TTC14: variants seen among roughly 807,000 people sequenced by gnomAD.
TTC14 encodes the protein tetratricopeptide repeat domain 14.
Under a neutral mutation model 79.9 loss-of-function variants are expected in TTC14, and 63 were observed. The ratio of observed to expected loss-of-function variants is 0.79; its 90% CI spans 0.64 to 0.97. TTC14 has a LOEUF of 0.97. TTC14 is among the 50% of genes least tolerant of loss of function. The probability of loss-of-function intolerance (pLI) is 0.00; values close to 1 mark genes in which losing one functional copy is unlikely to be tolerated. For missense variants in TTC14, 895 were observed against 894.0 expected, an observed-to-expected ratio of 1.00 and a Z score of -0.01; for synonymous variants, 335 against 309.6, an observed-to-expected ratio of 1.08 and a Z score of -0.86.
chr3:180,611,441 A>G (rs1428312951), downstream of TTC14, among the ~76,000 whole-genome samples: 1 of 152,200 alleles, frequency 6.6e-6, no homozygotes, highest in Non-Finnish European at 1.5e-5. Flanking sequence ...GGCACTAGGC[A>G]TGTCGTTAAA....
At chr3:180,608,413 C>A in intron 10 of TTC14, 9 of 979,892 alleles carry the variant, frequency 9.2e-6, no homozygotes, top group East Asian at 1.1e-4. Flanking sequence ...TTTTTTTAAC[C>A]TTTCTTGCAC....
Position 180,603,320 on chromosome 3 carries a change from C to G in TTC14, c.483C>G (p.Ile161Met), listed in dbSNP as rs1259066201. Reference sequence around the variant, plus strand: ...TGAGAGATATAGCCCACTTAGAAATCACAGTAAGTTATTTTTGTTACTTGG... The same window carrying G: ...TGAGAGATATAGCCCACTTAGAAATGACAGTAAGTTATTTTTGTTACTTGG... ...GIMRDIAHLEITALCPLRDVP... is the reference protein window; with the variant it reads ...GIMRDIAHLEMTALCPLRDVP... The change falls in exon 3 of 12, where the codon ATC becomes ATG. Residue 161 changes from isoleucine (I) to methionine (M), a missense_variant. Physicochemically the swap from Ile to Met is conservative, Grantham distance 10 (BLOSUM62 1). Transcript: ENST00000296015. 6.2e-7 allele frequency: 1 copy of G among 1,613,020 alleles called. No homozygotes were observed. The highest frequency in any genetic ancestry group is 1.3e-5 in the African/African-American group (1 of 75,004).
rs1203628451 is a variant in TTC14, at chr3:180,610,719, G to A, written c.*177G>A. 4 of 1,329,290 alleles carry A rather than the reference G, an allele frequency of 3.0e-6. No homozygotes were observed. Among genetic ancestry groups the A allele is most frequent in the Admixed American group, 7.5e-5 (2 of 26,726 alleles). 82.3% of individuals were successfully genotyped at this position (1,329,290 alleles called of 1,614,324 possible). A position where few individuals can be genotyped will look rare whatever the true frequency, so the allele number is the denominator to read the frequency against. ...ATTTTGTTTCAGTTCTAGGTCCCTT[G>A]TCACAGCTTGGTTTTTAGACTTTTT... On this transcript the variant is annotated 3_prime_UTR_variant, in exon 12 of 12. Coordinates refer to ENST00000296015, the MANE Select transcript of TTC14 (RefSeq NM_133462.4).
Position 180,602,390 on chromosome 3 carries a change from G to A in TTC14, c.129G>A (p.Arg43=). Residue 43 remains arginine (R), a synonymous_variant, in exon 1 of 12, where the codon CGG becomes CGA. Transcript: ENST00000296015. Reference sequence around the variant, plus strand: ...TGGGGTCGGCCGCCGAGCCAGCCCGGGGCCCGCCGCCCCAGCACCCGTTGC... The same window carrying A: ...TGGGGTCGGCCGCCGAGCCAGCCCGAGGCCCGCCGCCCCAGCACCCGTTGC... ...SLLGSAAEPA[R]GPPPQHPLQG... The A allele has an allele frequency of 6.2e-7, 1 of 1,609,390 alleles. No individual in the cohort carries two copies.
downstream of TTC14, chr3:180,614,069 TA>T: frequency 3.6e-6 from 1 of 279,538 alleles, no homozygotes; most frequent in Admixed American, 4.9e-5. Flanking sequence ...ATTCCAAGAG[TA>T]CAAAGTGTTG....
At chr3:180,616,484 T>A (rs1361294678) in intron 12 of TTC14, 4 of 1,507,940 alleles carry the variant, frequency 2.7e-6, no homozygotes, top group South Asian at 2.7e-5. Flanking sequence ...ATGAAGTTTT[T>A]AAGAAATATT....
rs138708057 is a variant in TTC14, at chr3:180,610,293, C to T, written c.2064C>T (p.Tyr688=). The change falls in exon 12 of 12, where the codon TAC becomes TAT. Residue 688 remains tyrosine (Y), a synonymous_variant. Transcript: ENST00000296015. ...SWKSVEKYKK[Y]AHSGSRDFSR... is the part of the protein sequence containing the mutation. ...AGTCAGTTGAGAAATACAAAAAATA[C>T]GCTCACTCTGGATCACGTGATTTCA... The T allele has an allele frequency of 1.4e-4, 228 of 1,613,508 alleles. 1 individual carries two copies. The African/African-American group carries it at 2.4e-3, about 17-fold the overall frequency.
intron 11 of TTC14, 188 bp downstream of exon 11, chr3:180,608,998 CTAGAATTCTACAAAAAAAGAGTATCTTA>C: frequency 8.9e-7 from 1 of 1,120,036 alleles, no homozygotes; most frequent in Non-Finnish European, 1.1e-6. Context: ...GAATTTAAGG[CTAGAATTCTACAAAAAAAGAGTATCTTA>C]GAATTAAAAT....
At chr3:180,604,450 G>C in intron 4 of TTC14, 28 bp from the exon 5 acceptor site, 1 of 1,574,276 alleles carries the variant, frequency 6.4e-7, no homozygotes, top group Non-Finnish European at 8.6e-7. Context: ...TTACTAATCA[G>C]CTTAGTTCTC....
intron 1 of TTC14, 110 bp from the exon 2 acceptor site, chr3:180,602,781 C>CT (rs1716440673): frequency 1.4e-5 from 18 of 1,282,652 alleles, no homozygotes; most frequent in Non-Finnish European, 1.9e-5. Flanking sequence ...GTTGTATTGT[C>CT]TGCAGCTTAG....
At chr3:180,615,113 A>G (rs1211149764), downstream of TTC14, 2 of 1,475,774 alleles carry the variant, frequency 1.4e-6, no homozygotes, top group Non-Finnish European at 1.8e-6. Flanking sequence ...TTCAATGCAA[A>G]GTTTATATTT....
chr3:180,616,289 T>C (rs1160000588), intron 12 of TTC14: 1 of 1,613,050 alleles, frequency 6.2e-7, no homozygotes, highest in African/African-American at 1.3e-5. Context: ...ACCTTGCTGA[T>C]AGTGAAGTAT....
Position 180,606,563 on chromosome 3 carries a change from A to G in TTC14, c.1132A>G (p.Arg378Gly). Reference sequence around the variant, plus strand: ...AAACTGTCCAACTCACAGAAATGCAAGAAAATACCTCTGCCAGACACTTGT... The same window carrying G: ...AAACTGTCCAACTCACAGAAATGCAGGAAAATACCTCTGCCAGACACTTGT... Reference protein sequence around the residue: ...LENCPTHRNARKYLCQTLVER... With the variant: ...LENCPTHRNAGKYLCQTLVER... The change falls in exon 9 of 12, where the codon AGA becomes GGA. Residue 378 changes from arginine (R) to glycine (G), a missense_variant. Physicochemically the swap from Arg to Gly is moderately radical, Grantham distance 125 (BLOSUM62 -2). Coordinates refer to ENST00000296015, the MANE Select transcript of TTC14 (RefSeq NM_133462.4). The G allele has an allele frequency of 6.2e-7, 1 of 1,614,040 alleles. No individual in the cohort carries two copies. Among genetic ancestry groups the G allele is most frequent in the Non-Finnish European group, 8.5e-7 (1 of 1,179,916 alleles).
In TTC14 at chr3:180,610,886, A is replaced by C. The variant is rs1051933714; in HGVS notation, c.*344A>C. The C allele has an allele frequency of 2.0e-6, 2 of 988,250 alleles. No individual in the cohort carries two copies. The highest frequency in any genetic ancestry group is 3.5e-5 in the African/African-American group (2 of 57,350). The allele number at this position is 988,250 out of a possible 1,614,324, so 61.2% of individuals were successfully genotyped here. On this transcript the variant is annotated 3_prime_UTR_variant, in exon 12 of 12. Transcript: ENST00000296015. ...GCATCTTATTCTGCTGTTTGAGAGAAAAATTTGTGCATTGAACACTTGGAT... is the reference window on the plus strand; with the variant it reads ...GCATCTTATTCTGCTGTTTGAGAGACAAATTTGTGCATTGAACACTTGGAT...
intron 12 of TTC14, chr3:180,616,757 T>C: frequency 2.5e-6 from 4 of 1,577,828 alleles, no homozygotes; most frequent in Non-Finnish European, 2.6e-6. Context: ...ATATTTTTAA[T>C]AGATGAAGGA....
downstream of TTC14, chr3:180,614,028 T>C (rs1717122008): frequency 3.0e-6 from 1 of 332,212 alleles, no homozygotes; most frequent in African/African-American, 2.2e-5. Flanking sequence ...TACATTTATT[T>C]AAAATCCAGT....
intron 12 of TTC14, among the ~76,000 whole-genome samples, chr3:180,617,188 G>C (rs929085465): frequency 1.3e-5 from 2 of 152,052 alleles, no homozygotes; most frequent in Admixed American, 6.6e-5. Context: ...CTGTTACCTA[G>C]CGACATTGTA....
downstream of TTC14, among the ~76,000 whole-genome samples, chr3:180,612,038 G>A (rs1408179563): frequency 1.3e-5 from 2 of 152,106 alleles, no homozygotes; most frequent in African/African-American, 2.4e-5. Flanking sequence ...GATAGAAATC[G>A]GCTAGTCACT....
intron 10 of TTC14, chr3:180,608,193 G>GCTCAT: frequency 1.1e-5 from 11 of 993,206 alleles, no homozygotes; most frequent in Non-Finnish European, 1.2e-5. Flanking sequence ...ATCTGGTGCT[G>GCTCAT]CTCATCCCCA....
Sources: allele counts gnomAD v4.1 joint callset (sites outside exome capture counted in the v4.1 genomes callset), GRCh38; gene constraint gnomAD v4.1.1; transcripts MANE v1.5; gene names NCBI Gene and HGNC (gene_info 2026-07-23, HGNC 2026-07-21).